Variants in KLRG1 observed in about 807,000 individuals in gnomAD.
The protein encoded by KLRG1 is killer cell lectin like receptor G1.
In KLRG1, 16 loss-of-function variants were observed where a neutral mutation model predicts 21.8. The observed-to-expected ratio is 0.73, with a 90% CI of 0.50 to 1.11. KLRG1 has a LOEUF of 1.11. KLRG1 is among the 50% of genes most tolerant of loss of function. The probability of loss-of-function intolerance (pLI) is 0.00; values close to 1 mark genes in which losing one functional copy is unlikely to be tolerated. For synonymous variants in KLRG1, 69 were observed against 75.9 expected (o/e 0.91, Z 0.47); for missense variants, 173 against 218.3 (o/e 0.79, Z 1.31).
chr12:9,070,663 G>T, the KLRG1 span: 1 of 874,670 alleles, frequency 1.1e-6, no homozygotes, highest in Non-Finnish European at 1.8e-6. Context: ...GCATTCCACA[G>T]CTCTAAAAGG....
chr12:9,000,093 T>G (rs2137383914), intron 3 of KLRG1, among the ~76,000 whole-genome samples: 1 of 152,246 alleles, frequency 6.6e-6, no homozygotes, highest in African/African-American at 2.4e-5. Flanking sequence ...AACTTTTACT[T>G]TGCTCTTCTG....
chr12:9,189,888 A>G, the KLRG1 span, among the ~76,000 whole-genome samples: 3 of 152,246 alleles, frequency 2.0e-5, no homozygotes, highest in Middle Eastern at 3.2e-3. Context: ...AGCCAATGAA[A>G]AAAAGCTCAA....
the KLRG1 span, among the ~76,000 whole-genome samples, chr12:9,031,336 AAAC>A: frequency 2.0e-5 from 3 of 152,252 alleles, no homozygotes; most frequent in African/African-American, 7.2e-5. Context: ...TAGGATCCTT[AAAC>A]AACAATTTCC....
At chr12:9,086,996 G>A in the KLRG1 span, among the ~76,000 whole-genome samples, 2 of 152,174 alleles carry the variant, frequency 1.3e-5, no homozygotes, top group African/African-American at 2.4e-5. Context: ...CACTAACAAT[G>A]AATGATTGAG....
At chr12:9,046,056 A>G in the KLRG1 span, among the ~76,000 whole-genome samples, 1 of 152,178 alleles carries the variant, frequency 6.6e-6, no homozygotes, top group Non-Finnish European at 1.5e-5. Context: ...AGCATCAGGA[A>G]AAATAGCTAA....
intron 1 of KLRG1, among the ~76,000 whole-genome samples, chr12:8,952,690 T>G (rs1018101076): frequency 6.6e-6 from 1 of 152,202 alleles, no homozygotes; most frequent in African/African-American, 2.4e-5. Flanking sequence ...GAGAGTAAAC[T>G]TCCATTACCA....
At chr12:9,072,639 C>T in the KLRG1 span, 3 of 1,613,362 alleles carry the variant, frequency 1.9e-6, no homozygotes, top group African/African-American at 2.7e-5. Flanking sequence ...TCCTCACCTG[C>T]CCAAGAGTCT....
the KLRG1 span, among the ~76,000 whole-genome samples, chr12:9,030,187 A>G: frequency 6.6e-6 from 1 of 152,166 alleles, no homozygotes; most frequent in Non-Finnish European, 1.5e-5. Context: ...ATTGAGAGGG[A>G]AGGAAAAGGT....
chr12:9,157,131 C>G, the KLRG1 span: 1 of 1,573,970 alleles, frequency 6.4e-7, no homozygotes, highest in Non-Finnish European at 8.7e-7. Flanking sequence ...CTCCCTGTGT[C>G]TATGTGTTCT....
chr12:9,182,140 C>CA, the KLRG1 span: 4 of 1,610,022 alleles, frequency 2.5e-6, no homozygotes, highest in Non-Finnish European at 3.4e-6. Flanking sequence ...GAGAGTGAGA[C>CA]AAAATGGTCA....
chr12:9,181,257 A>G, the KLRG1 span: 5 of 1,212,376 alleles, frequency 4.1e-6, no homozygotes, highest in South Asian at 7.4e-5. Context: ...TCAGTCAGAA[A>G]CCTATTTTTA....
chr12:9,113,630 A>C, the KLRG1 span: 3 of 1,295,014 alleles, frequency 2.3e-6, no homozygotes, highest in Non-Finnish European at 3.3e-6. Context: ...CATAATTATC[A>C]TCATCAGTTC....
At chr12:9,183,294 C>T in the KLRG1 span, among the ~76,000 whole-genome samples, 1 of 152,168 alleles carries the variant, frequency 6.6e-6, no homozygotes, top group South Asian at 2.1e-4. Flanking sequence ...GCCACACATA[C>T]ACAAATGAGT....
chr12:9,127,733 G>T, the KLRG1 span: 1 of 165,064 alleles, frequency 6.1e-6, no homozygotes, highest in South Asian at 1.4e-4. Context: ...CTGCAGGTCC[G>T]ACAGGCTGCT....
At chr12:9,115,188 C>T in the KLRG1 span, 3 of 152,882 alleles carry the variant, frequency 2.0e-5, no homozygotes, top group African/African-American at 4.8e-5. Context: ...AATCCCTTCT[C>T]ATCACTCATC....
At chr12:9,084,023 A>C in the KLRG1 span, among the ~76,000 whole-genome samples, 1 of 152,174 alleles carries the variant, frequency 6.6e-6, no homozygotes, top group African/African-American at 2.4e-5. Context: ...AGAGTGGAAT[A>C]ATATATTCAA....
the KLRG1 span, among the ~76,000 whole-genome samples, chr12:9,017,093 G>A: frequency 6.6e-6 from 1 of 151,434 alleles, no homozygotes; most frequent in African/African-American, 2.4e-5. Context: ...GCGAAACCTT[G>A]TCTCTACTAA....
At chr12:9,113,245 T>C in the KLRG1 span, 4 of 1,061,348 alleles carry the variant, frequency 3.8e-6, no homozygotes, top group East Asian at 7.3e-5. Flanking sequence ...TTGCTACATT[T>C]GGATTCCTTC....
the KLRG1 span, chr12:9,163,538 G>A: frequency 8.4e-6 from 9 of 1,075,782 alleles, no homozygotes; most frequent in Admixed American, 2.9e-5. Flanking sequence ...AATGCTTTTA[G>A]GGCAGGAAAT....
Sources: gnomAD v4.1 joint callset for allele counts (sites outside exome capture counted in the v4.1 genomes callset) on GRCh38, gnomAD v4.1.1 for gene constraint, MANE v1.5 for transcripts, NCBI Gene and HGNC (gene_info 2026-07-23, HGNC 2026-07-21) for gene names.